Variants in DPP6 observed in about 807,000 individuals in gnomAD.
DPP6 encodes A-type potassium channel modulatory protein DPP6.
In DPP6, 69 loss-of-function variants were observed where a neutral mutation model predicts 122.6. The observed-to-expected ratio is 0.56, with a 90% CI of 0.46 to 0.69. DPP6 has a LOEUF of 0.69. Ranked by LOEUF, DPP6 falls within the 30% of genes least tolerant of loss-of-function variation. DPP6 has a pLI of 0.00. For missense variants in DPP6, 928 were observed against 1,116.9 expected, an observed-to-expected ratio of 0.83 and a Z score of 2.41; for synonymous variants, 418 against 433.1, an observed-to-expected ratio of 0.97 and a Z score of 0.43.
At chr7:154,464,691 G>A (rs760085294) in intron 2 of DPP6, among the ~76,000 whole-genome samples, 13 of 152,226 alleles carry the variant, frequency 8.5e-5, no homozygotes, top group Non-Finnish European at 1.9e-4. Context: ...AGTTACAATT[G>A]GTCTATTGAT....
intron 1 of DPP6, among the ~76,000 whole-genome samples, chr7:154,274,267 C>G (rs1336684661): frequency 6.6e-6 from 1 of 152,200 alleles, no homozygotes; most frequent in Non-Finnish European, 1.5e-5. Flanking sequence ...TTGTCAGGTT[C>G]TAAGTTCTGA....
intron 1 of DPP6, among the ~76,000 whole-genome samples, chr7:153,976,558 A>G (rs977804166): frequency 6.6e-6 from 1 of 152,276 alleles, no homozygotes; most frequent in African/African-American, 2.4e-5. Context: ...TGCCAAAAAC[A>G]GTAAGAACTG....
intron 16 of DPP6, among the ~76,000 whole-genome samples, chr7:154,816,759 C>T (rs775956546): frequency 9.2e-5 from 14 of 152,204 alleles, no homozygotes; most frequent in Non-Finnish European, 1.8e-4. Context: ...GCATCCCTTC[C>T]CACATGTTAG....
chr7:154,411,385 A>G (rs1414140007), intron 1 of DPP6, among the ~76,000 whole-genome samples: 5 of 152,062 alleles, frequency 3.3e-5, no homozygotes, highest in Non-Finnish European at 5.9e-5. Flanking sequence ...GACCACAGGC[A>G]TACACCACCA....
At chr7:153,890,687 T>C (rs1799153102) in intron 1 of DPP6, among the ~76,000 whole-genome samples, 1 of 88,832 alleles carries the variant, frequency 1.1e-5, no homozygotes, top group Non-Finnish European at 2.3e-5. Context: ...TTAGAACTTT[T>C]TTTTTTTTTT....
chr7:154,487,788 A>C (rs975475081), intron 3 of DPP6, among the ~76,000 whole-genome samples: 1 of 152,192 alleles, frequency 6.6e-6, no homozygotes, highest in Admixed American at 6.5e-5. Flanking sequence ...GCTAGGGTCT[A>C]ATTAATTATC....
At chr7:154,238,683 C>A (rs1801376970) in intron 1 of DPP6, among the ~76,000 whole-genome samples, 1 of 152,192 alleles carries the variant, frequency 6.6e-6, no homozygotes, top group Non-Finnish European at 1.5e-5. Flanking sequence ...TTATTTGCAC[C>A]TACATGGGAA....
At chr7:154,482,787 C>T (rs1563741003) in intron 3 of DPP6, among the ~76,000 whole-genome samples, 1 of 152,100 alleles carries the variant, frequency 6.6e-6, no homozygotes, top group African/African-American at 2.4e-5. Context: ...TGTAAAAAGC[C>T]ATGGTGAGTG....
At chr7:153,988,604 C>A (rs1349912981) in intron 1 of DPP6, among the ~76,000 whole-genome samples, 2 of 152,184 alleles carry the variant, frequency 1.3e-5, no homozygotes, top group African/African-American at 4.8e-5. Context: ...AGGAGGGCAT[C>A]GGGGGATGCT....
chr7:153,942,990 C>T (rs961750734), intron 1 of DPP6, among the ~76,000 whole-genome samples: 16 of 152,164 alleles, frequency 1.1e-4, no homozygotes, highest in Admixed American at 1.0e-3. Context: ...GTCAGCTGGC[C>T]CCAGCGACAC....
At position 154,052,719 on chromosome 7, in the gene DPP6, C is replaced by T. The variant is rs910869477; in HGVS notation, c.-102C>T. ...TGCTGCTGCTGCTGCCTCCCCACCGCCTTTTTTTTTTTTTAATCTGGAGCG... is the reference window on the plus strand; with the variant it reads ...TGCTGCTGCTGCTGCCTCCCCACCGTCTTTTTTTTTTTTTAATCTGGAGCG... On this transcript the variant is annotated 5_prime_UTR_variant, in exon 1 of 26. Transcript: ENST00000377770. The surrounding 1 kb of genome is among the most constrained non-coding windows in gnomAD (Gnocchi z 4.8). The T allele has an allele frequency of 1.2e-5, 15 of 1,223,560 alleles. No homozygotes were observed. The highest frequency in any genetic ancestry group is 5.2e-6 in the Non-Finnish European group (5 of 965,422). 75.8% of individuals were successfully genotyped at this position (1,223,560 alleles called of 1,614,324 possible).
chr7:154,210,793 A>G (rs540058589), intron 1 of DPP6, among the ~76,000 whole-genome samples: 53 of 151,814 alleles, frequency 3.5e-4, no homozygotes, highest in African/African-American at 1.2e-3. Flanking sequence ...CAAGTTATCT[A>G]TGAGGGAGAA....
chr7:153,851,147 G>A, the DPP6 span, among the ~76,000 whole-genome samples: 5 of 152,136 alleles, frequency 3.3e-5, no homozygotes, highest in Middle Eastern at 3.2e-3. Context: ...CTTAGCAAGC[G>A]TGGAGTTTCT....
intron 10 of DPP6, among the ~76,000 whole-genome samples, chr7:154,779,054 A>G (rs866061985): frequency 2.6e-3 from 7 of 2,732 alleles, no homozygotes; most frequent in East Asian, 0.011. Context: ...AACTACCCCC[A>G]CCATCACCAC....
intron 1 of DPP6, among the ~76,000 whole-genome samples, chr7:154,229,917 C>CATTT (rs1554496194): frequency 6.6e-6 from 1 of 152,070 alleles, no homozygotes; most frequent in Non-Finnish European, 1.5e-5. Context: ...TTATAATACA[C>CATTT]ATTTTTTCAT....
the DPP6 span, among the ~76,000 whole-genome samples, chr7:153,773,264 C>CATGTGTGT: frequency 5.7e-3 from 761 of 132,450 alleles, 7 homozygotes; most frequent in African/African-American, 0.019. Flanking sequence ...TCTTTTCTTT[C>CATGTGTGT]GTGTGTGTGT....
intron 20 of DPP6, chr7:154,876,834 C>T (rs1266295433): frequency 2.0e-5 from 3 of 152,276 alleles, no homozygotes; most frequent in East Asian, 3.8e-4. Flanking sequence ...GACTGCAGCA[C>T]TTACTCTAAC....
At chr7:154,303,971 C>A (rs1360609836) in intron 1 of DPP6, among the ~76,000 whole-genome samples, 9 of 152,182 alleles carry the variant, frequency 5.9e-5, no homozygotes, top group Admixed American at 5.9e-4. Context: ...GGGAAATCTT[C>A]AACACCTTTT....
intron 2 of DPP6, among the ~76,000 whole-genome samples, chr7:154,470,389 G>A (rs912064984): frequency 1.3e-5 from 2 of 152,172 alleles, no homozygotes; most frequent in Non-Finnish European, 2.9e-5. Context: ...CACAAAAGCA[G>A]AATCTCACAG....
Sources: allele counts gnomAD v4.1 joint callset (sites outside exome capture counted in the v4.1 genomes callset), GRCh38; gene constraint gnomAD v4.1.1; non-coding constraint Gnocchi (gnomAD v3.1); transcripts MANE v1.5; gene names NCBI Gene and HGNC (gene_info 2026-07-23, HGNC 2026-07-21).